Variants in SMG6 observed in about 807,000 individuals in gnomAD.
The protein encoded by SMG6 is SMG6 nonsense mediated mRNA decay factor.
SMG6 carries 66 observed loss-of-function variants against 142.2 expected under a neutral mutation model. The observed-to-expected ratio is 0.46, with a 90% CI of 0.38 to 0.57. The LOEUF (loss-of-function observed/expected upper bound fraction) is 0.57, where lower values mean the gene tolerates loss of function less well. Among genes scored for constraint, SMG6 ranks in the 20% least tolerant of loss-of-function variants. SMG6 has a pLI of 0.00. For missense variants in SMG6, 1,793 were observed against 1,832.0 expected, an observed-to-expected ratio of 0.98 and a Z score of 0.39; for synonymous variants, 779 against 702.4, an observed-to-expected ratio of 1.11 and a Z score of -1.72.
Position 2,068,671 on chromosome 17 carries a change from C to G in SMG6, c.3835+107G>C. ...CTACTCCCCTGCAAATCCCATCTTA[C>G]ACACGCACAGCAGGGCTCTGCCTGC... On this transcript the variant is annotated intron_variant, in intron 16 of 18. Coordinates refer to ENST00000263073, the MANE Select transcript of SMG6 (RefSeq NM_017575.5). This position sits in a 1 kb window ranked among gnomAD's most constrained non-coding sequence, Gnocchi z 6.7. 1.7e-6 allele frequency: 2 copies of G among 1,178,336 alleles called. No homozygotes were observed. Among genetic ancestry groups the G allele is most frequent in the Non-Finnish European group, 2.4e-6 (2 of 841,544 alleles). The allele number at this position is 1,178,336 out of a possible 1,614,324, so 73.0% of individuals were successfully genotyped here.
intron 10 of SMG6, among the ~76,000 whole-genome samples, chr17:2,195,253 A>G (rs1160395677): frequency 6.6e-6 from 1 of 152,128 alleles, no homozygotes; most frequent in East Asian, 1.9e-4. Flanking sequence ...ATAAAAATTA[A>G]TTACATATTC....
At chr17:2,221,383 G>T (rs1217221274) in intron 10 of SMG6, among the ~76,000 whole-genome samples, 1 of 152,106 alleles carries the variant, frequency 6.6e-6, no homozygotes, top group African/African-American at 2.4e-5. Context: ...CATGGAAGAC[G>T]TGCCTCCTTC....
chr17:2,284,033 G>A (rs1206199617), intron 6 of SMG6, among the ~76,000 whole-genome samples: 1 of 152,138 alleles, frequency 6.6e-6, no homozygotes. Flanking sequence ...CTTGTTCTTA[G>A]AAAAAGCATG....
In SMG6 at chr17:2,282,683, C is replaced by T; in HGVS notation, c.2625G>A (p.Glu875=). The stretch of plus-strand genomic sequence containing the variant: ...TCAGGCTGCCCAGCCCATTCTCTTG[C>T]TCAGAATCCTTCCCAGACTCAGTGC... ...SQGTESGKDS[E]QENGLGSLSP... is the part of the protein sequence containing the mutation. The change falls in exon 8 of 19, where the codon GAG becomes GAA. Residue 875 remains glutamate (E), a synonymous_variant. Transcript: ENST00000263073. The T allele has an allele frequency of 1.4e-5, 22 of 1,614,074 alleles. No homozygotes were observed. The highest frequency in any genetic ancestry group is 1.9e-5 in the Non-Finnish European group (22 of 1,179,972).
At chr17:2,114,692 G>A (rs1015619347) in intron 13 of SMG6, among the ~76,000 whole-genome samples, 1 of 151,974 alleles carries the variant, frequency 6.6e-6, no homozygotes, top group African/African-American at 2.4e-5. Flanking sequence ...ACTTTGGGGG[G>A]CCAAGGCGGG....
intron 13 of SMG6, among the ~76,000 whole-genome samples, chr17:2,126,836 G>A (rs1005671414): frequency 9.9e-5 from 15 of 151,956 alleles, no homozygotes; most frequent in African/African-American, 3.4e-4. Context: ...ACGATCACTC[G>A]AGGCTGAGGA....
At chr17:2,301,413 T>A (rs1359047784) in intron 1 of SMG6, among the ~76,000 whole-genome samples, 1 of 152,178 alleles carries the variant, frequency 6.6e-6, no homozygotes, top group African/African-American at 2.4e-5. Context: ...TGACACTAAC[T>A]GCTACTGTGA....
intron 13 of SMG6, among the ~76,000 whole-genome samples, chr17:2,152,559 A>G (rs1210946305): frequency 6.6e-6 from 1 of 152,272 alleles, no homozygotes; most frequent in Non-Finnish European, 1.5e-5. Flanking sequence ...ACACTTCACC[A>G]AAGAAGATAC....
At chr17:2,258,772 C>A (rs1486263273) in intron 8 of SMG6, among the ~76,000 whole-genome samples, 15 of 147,932 alleles carry the variant, frequency 1.0e-4, no homozygotes, top group African/African-American at 3.7e-4. Context: ...CACTCCCAGC[C>A]TCAGTGACAG....
chr17:2,274,621 C>G (rs1312664465), intron 8 of SMG6, among the ~76,000 whole-genome samples: 1 of 152,054 alleles, frequency 6.6e-6, no homozygotes, highest in African/African-American at 2.4e-5. Context: ...CCAGACTGAA[C>G]CACAAAACAT....
chr17:2,281,586 C>G (rs979955683), intron 8 of SMG6, among the ~76,000 whole-genome samples: 2 of 152,222 alleles, frequency 1.3e-5, no homozygotes, highest in Non-Finnish European at 2.9e-5. Context: ...GCAGCACCCT[C>G]CTTGTCTCCT....
At chr17:2,228,111 T>G (rs959521957) in intron 10 of SMG6, among the ~76,000 whole-genome samples, 2 of 152,244 alleles carry the variant, frequency 1.3e-5, no homozygotes, top group Admixed American at 6.5e-5. Context: ...TCACCCAGGC[T>G]GGAGTGCAGT....
chr17:2,243,362 C>A (rs190223654), intron 9 of SMG6, among the ~76,000 whole-genome samples: 123 of 152,296 alleles, frequency 8.1e-4, no homozygotes, highest in African/African-American at 2.8e-3. Context: ...TATGTGGAAA[C>A]TGACATAGCC....
At chr17:2,236,462 T>C in intron 10 of SMG6, 30 bp downstream of exon 10, 1 of 1,603,952 alleles carries the variant, frequency 6.2e-7, no homozygotes, top group South Asian at 1.1e-5. Context: ...TCTGTCTATA[T>C]TCTAGATGAA....
chr17:2,223,542 T>G (rs144578094), intron 10 of SMG6, among the ~76,000 whole-genome samples: 1 of 152,188 alleles, frequency 6.6e-6, no homozygotes, highest in Non-Finnish European at 1.5e-5. Flanking sequence ...CCCTGACTAA[T>G]GGAAAGGATT....
At chr17:2,302,889 T>C in intron 1 of SMG6, 2 of 839,214 alleles carry the variant, frequency 2.4e-6, no homozygotes, top group Non-Finnish European at 2.9e-6. Context: ...TCCAATTATG[T>C]TAATCAACAA....
chr17:2,228,459 C>G (rs531316924), intron 10 of SMG6, among the ~76,000 whole-genome samples: 1 of 151,980 alleles, frequency 6.6e-6, no homozygotes, highest in African/African-American at 2.4e-5. Flanking sequence ...GAACTCCTGA[C>G]CTCATGATCC....
intron 10 of SMG6, among the ~76,000 whole-genome samples, chr17:2,202,388 G>GA (rs1271465265): frequency 2.0e-5 from 3 of 151,976 alleles, no homozygotes; most frequent in Non-Finnish European, 2.9e-5. Context: ...ACCTCTAGCA[G>GA]AAAAAAATAA....
chr17:2,102,415 G>A (rs549061212), intron 13 of SMG6, among the ~76,000 whole-genome samples: 2 of 151,880 alleles, frequency 1.3e-5, no homozygotes, highest in Admixed American at 6.6e-5. Context: ...GGAGTGCAGT[G>A]GTGTGATCAA....
Sources: gnomAD v4.1 joint callset for allele counts (sites outside exome capture counted in the v4.1 genomes callset) on GRCh38, gnomAD v4.1.1 for gene constraint, Gnocchi (gnomAD v3.1) non-coding constraint, MANE v1.5 for transcripts, NCBI Gene and HGNC (gene_info 2026-07-23, HGNC 2026-07-21) for gene names.